Variants in ALOX5 observed in about 807,000 individuals in gnomAD.
The protein encoded by ALOX5 is arachidonate 5-lipoxygenase.
ALOX5 carries 64 observed loss-of-function variants against 87.9 expected under a neutral mutation model. That is an observed-to-expected ratio of 0.73 (90% CI 0.60 to 0.90). ALOX5 has a LOEUF of 0.90. Among genes scored for constraint, ALOX5 ranks in the 40% least tolerant of loss-of-function variants. The pLI, the probability that ALOX5 is intolerant of heterozygous loss-of-function variation, is 0.00. For synonymous variants in ALOX5, 388 were observed against 355.1 expected (o/e 1.09, Z -1.04); for missense variants, 822 against 907.5 (o/e 0.91, Z 1.21).
intron 4 of ALOX5, among the ~76,000 whole-genome samples, chr10:45,423,510 T>C (rs1841583368): frequency 6.6e-6 from 1 of 152,218 alleles, no homozygotes; most frequent in South Asian, 2.1e-4. Flanking sequence ...CACTCCTTAG[T>C]ACCTGCAGCC....
intron 2 of ALOX5, among the ~76,000 whole-genome samples, chr10:45,389,402 A>G (rs1169954163): frequency 6.6e-6 from 1 of 152,224 alleles, no homozygotes; most frequent in African/African-American, 2.4e-5. Context: ...CAGATTCACC[A>G]AAGTTGAAAT....
In ALOX5 at chr10:45,374,333, TGAC is replaced by T; in HGVS notation, c.58_60del (p.Asp20del). 1 of 1,530,944 alleles carries T rather than the reference TGAC, an allele frequency of 6.5e-7. No individual in the cohort carries two copies. Among genetic ancestry groups the T allele is most frequent in the Non-Finnish European group, 8.8e-7 (1 of 1,140,228 alleles). 94.8% of individuals were successfully genotyped at this position (1,530,944 alleles called of 1,614,324 possible). On this transcript the variant is annotated inframe_deletion, in exon 1 of 14. Coordinates refer to ENST00000374391, the MANE Select transcript of ALOX5 (RefSeq NM_000698.5). The stretch of plus-strand genomic sequence containing the variant: ...CTGGCAGCCAGTGGTTCGCCGGCAC[TGAC>T]GACTACATCTACCTCAGCCTCGTGG...
chr10:45,389,222 G>A (rs1266130465), intron 2 of ALOX5, among the ~76,000 whole-genome samples: 1 of 152,218 alleles, frequency 6.6e-6, no homozygotes, highest in Non-Finnish European at 1.5e-5. Flanking sequence ...TCTGATTGGT[G>A]TACCTGAAAG....
Position 45,440,431 on chromosome 10 carries a change from T to G in ALOX5, c.983T>G (p.Leu328Arg). The G allele has an allele frequency of 6.2e-7, 1 of 1,614,096 alleles. No homozygotes were observed. The highest frequency in any genetic ancestry group is 8.5e-7 in the Non-Finnish European group (1 of 1,179,972). The change falls in exon 8 of 14, where the codon CTC becomes CGC. Residue 328 changes from leucine (L) to arginine (R), a missense_variant and splice_region_variant. Physicochemically the swap from Leu to Arg is moderately radical, Grantham distance 102. Transcript: ENST00000374391. ...ANKIVPIAIQ[L>R]NQIPGDENPI... ...GTTTCCTTTCCCCCAATGTATCAGC[T>G]CAACCAAATCCCGGGAGATGAGAAC...
chr10:45,401,280 T>G (rs1589006335), intron 3 of ALOX5, among the ~76,000 whole-genome samples: 2 of 152,192 alleles, frequency 1.3e-5, no homozygotes, highest in African/African-American at 2.4e-5. Flanking sequence ...GAGCCAATAT[T>G]GTGATACTTT....
rs184434116 is a variant in ALOX5, at chr10:45,387,725, T to G, written c.349+5044T>G. On this transcript the variant is annotated intron_variant, in intron 2 of 13. Transcript: ENST00000374391. ...GGGGCCCCAAGGCTTGCTGAGTGAGTGGGCAAGAGGATGAGGAACTGGATT... is the reference window on the plus strand; with the variant it reads ...GGGGCCCCAAGGCTTGCTGAGTGAGGGGGCAAGAGGATGAGGAACTGGATT... Among the ~76,000 whole-genome samples, 446 of 152,146 alleles carry G rather than the reference T, an allele frequency of 2.9e-3. 1 individual carries two copies. The highest frequency in any genetic ancestry group is 4.5e-3 in the Non-Finnish European group (303 of 68,002).
chr10:45,391,748 C>T (rs1270825480), intron 2 of ALOX5, among the ~76,000 whole-genome samples: 4 of 151,962 alleles, frequency 2.6e-5, no homozygotes, highest in African/African-American at 7.3e-5. Flanking sequence ...TGCCCCACCA[C>T]CCTGTCTGGG....
chr10:45,381,685 G>A (rs1057403678), intron 1 of ALOX5, among the ~76,000 whole-genome samples: 3 of 152,250 alleles, frequency 2.0e-5, no homozygotes, highest in African/African-American at 4.8e-5. Context: ...CCATCCTCCA[G>A]CCTGAGCTAA....
In ALOX5 at chr10:45,423,686, C is replaced by T. The variant is rs10430734; in HGVS notation, c.555-355C>T. 7.7e-4 allele frequency among the ~76,000 whole-genome samples: 118 copies of T among 152,310 alleles called. No individual in the cohort carries two copies. The East Asian group carries it at 8.1e-3, about 10-fold the overall frequency. On this transcript the variant is annotated intron_variant, in intron 4 of 13. Coordinates refer to ENST00000374391, the MANE Select transcript of ALOX5 (RefSeq NM_000698.5). ...TCATCGCCCCAAAAGCCAGGCAACACGGTAGAGCAGCTGGATCTCTGTTCG... is the reference window on the plus strand; with the variant it reads ...TCATCGCCCCAAAAGCCAGGCAACATGGTAGAGCAGCTGGATCTCTGTTCG...
rs768081589 is a variant in ALOX5, at chr10:45,428,729, A to C, written c.946A>C (p.Asn316His). Reference protein sequence around the residue: ...LAAPICLLYKNLANKIVPIAI... With the variant: ...LAAPICLLYKHLANKIVPIAI... ...CGCTCCCATCTGCTTGCTGTATAAG[A>C]ACCTGGCCAACAAGATTGTCCCCAT... The change falls in exon 7 of 14, where the codon AAC becomes CAC. Residue 316 changes from asparagine to histidine, a missense_variant. Coordinates refer to ENST00000374391, the MANE Select transcript of ALOX5 (RefSeq NM_000698.5). The C allele has an allele frequency of 6.2e-7, 1 of 1,614,052 alleles. No individual in the cohort carries two copies.
intron 4 of ALOX5, among the ~76,000 whole-genome samples, chr10:45,421,548 C>A (rs1841509161): frequency 1.3e-5 from 2 of 152,250 alleles, no homozygotes; most frequent in Admixed American, 6.5e-5. Context: ...ACCCCTCCAG[C>A]TTGACAAGCA....
At chr10:45,420,338 A>G (rs1207628814) in intron 4 of ALOX5, among the ~76,000 whole-genome samples, 1 of 152,266 alleles carries the variant, frequency 6.6e-6, no homozygotes, top group Admixed American at 6.5e-5. Flanking sequence ...TTGCTAAGGT[A>G]GCATCATGTT....
Position 45,430,777 on chromosome 10 carries a change from G to A in ALOX5, c.981+2013G>A, listed in dbSNP as rs76868242. Among the ~76,000 whole-genome samples the A allele has an allele frequency of 3.8e-3, 580 of 152,120 alleles. 12 individuals are homozygous for A. In the East Asian group the frequency reaches 0.053, roughly 14 times the overall value. ...TAGAAAATAGGCCAATTTCCATATA[G>A]TGATTGGAAACAGACCTACACAGCG... On this transcript the variant is annotated intron_variant, in intron 7 of 13. Transcript: ENST00000374391.
chr10:45,418,659 G>T (rs570128213), intron 4 of ALOX5, among the ~76,000 whole-genome samples: 1 of 152,170 alleles, frequency 6.6e-6, no homozygotes, highest in Non-Finnish European at 1.5e-5. Flanking sequence ...GCAGAGGTAC[G>T]TGGGGCCTGG....
chr10:45,430,422 GAGAT>G (rs1241771147), intron 7 of ALOX5, among the ~76,000 whole-genome samples: 2 of 151,330 alleles, frequency 1.3e-5, no homozygotes, highest in Non-Finnish European at 1.5e-5. Context: ...TGGAAAAAAA[GAGAT>G]AGAAAAAAAA....
chr10:45,385,340 C>G (rs1839973113), intron 2 of ALOX5, among the ~76,000 whole-genome samples: 1 of 152,220 alleles, frequency 6.6e-6, no homozygotes, highest in South Asian at 2.1e-4. Context: ...TCCAGAGCAT[C>G]TGTGTGAAGG....
chr10:45,390,025 G>A (rs1282477627), intron 2 of ALOX5, among the ~76,000 whole-genome samples: 1 of 151,472 alleles, frequency 6.6e-6, no homozygotes, highest in Non-Finnish European at 1.5e-5. Flanking sequence ...GGAAAACAAA[G>A]GCAGGGGTTG....
intron 1 of ALOX5, among the ~76,000 whole-genome samples, chr10:45,381,662 C>T (rs1160682792): frequency 6.6e-6 from 1 of 152,218 alleles, no homozygotes; most frequent in Non-Finnish European, 1.5e-5. Flanking sequence ...CAGGCATGAG[C>T]CTGGGCATCT....
intron 3 of ALOX5, among the ~76,000 whole-genome samples, chr10:45,401,017 G>A (rs1197548306): frequency 1.3e-5 from 2 of 152,220 alleles, no homozygotes; most frequent in African/African-American, 4.8e-5. Context: ...CTCTGGAAAT[G>A]GGTGGCTGAT....
Sources: gnomAD v4.1 joint callset for allele counts (sites outside exome capture counted in the v4.1 genomes callset) on GRCh38, gnomAD v4.1.1 for gene constraint, MANE v1.5 for transcripts, NCBI Gene and HGNC (gene_info 2026-07-23, HGNC 2026-07-21) for gene names.